The following TASOR variants were observed in gnomAD, a reference collection of about 807,000 sequenced individuals.
TASOR encodes protein TASOR.
In TASOR, 53 loss-of-function variants were observed where a neutral mutation model predicts 178.6. The observed-to-expected ratio is 0.30, with a 90% CI of 0.24 to 0.37. The LOEUF (loss-of-function observed/expected upper bound fraction) is 0.37, where lower values mean the gene tolerates loss of function less well. Ranked by LOEUF, TASOR falls within the 10% of genes least tolerant of loss-of-function variation. The pLI is 1.00. For missense variants in TASOR, 1,815 were observed against 1,971.4 expected (o/e 0.92, Z 1.50); for synonymous variants, 713 against 696.2 (o/e 1.02, Z -0.38).
In TASOR at chr3:56,638,720, T is replaced by C; in HGVS notation, c.2810A>G (p.Glu937Gly). The change falls in exon 17 of 24, where the codon GAG becomes GGG. Residue 937 changes from glutamate to glycine, a missense_variant. By Grantham distance (98) the Glu-to-Gly change is moderately conservative (BLOSUM62 -2). This residue lies in a region of TASOR where 655 missense variants were observed against 671.1 expected (regional missense o/e 0.98). Transcript: ENST00000683822. ...AGCCTTCTCACCTGGTGTTTGTTTC[T>C]CACCATGTTTCCCCAGCTGGTCTTC... The part of the protein sequence containing the change: ...SPEDQLGKHG[E>G]KQTPGMKSPE... 6.2e-7 allele frequency: 1 copy of C among 1,614,130 alleles called. No individual in the cohort carries two copies. The highest frequency in any genetic ancestry group is 1.1e-5 in the South Asian group (1 of 91,078).
intron 18 of TASOR, among the ~76,000 whole-genome samples, chr3:56,629,385 A>C (rs746937750): frequency 9.9e-5 from 15 of 152,270 alleles, no homozygotes; most frequent in Middle Eastern, 3.4e-3. Context: ...TTTCCATTCT[A>C]AGTAGGCCCT....
At chr3:56,653,166 A>T (rs911113893) in intron 11 of TASOR, among the ~76,000 whole-genome samples, 1 of 150,640 alleles carries the variant, frequency 6.6e-6, no homozygotes, top group African/African-American at 2.4e-5. Flanking sequence ...GGGAGGCTGA[A>T]ACAGGAGAAC....
chr3:56,624,928 G>A lies in TASOR; in HGVS notation c.4218C>T (p.Tyr1406=), dbSNP rs1213105261. 1.2e-6 allele frequency: 2 copies of A among 1,614,000 alleles called. No homozygotes were observed. Among genetic ancestry groups the A allele is most frequent in the Admixed American group, 3.3e-5 (2 of 60,000 alleles). Residue 1406 remains tyrosine, a synonymous_variant, in exon 22 of 24, where the codon TAC becomes TAT. Coordinates refer to ENST00000683822, the MANE Select transcript of TASOR (RefSeq NM_001365635.2). The stretch of plus-strand genomic sequence containing the variant: ...TTCGAGTTTGTGAATCACAATTGTG[G>A]TATGACAAAATTTCAACCAGATGTT... ...QKKHLVEILS[Y]HNCDSQTRNA...
intron 1 of TASOR, among the ~76,000 whole-genome samples, chr3:56,676,461 A>T (rs2031308774): frequency 1.3e-5 from 2 of 152,196 alleles, no homozygotes; most frequent in South Asian, 2.1e-4. Context: ...AATTGTCCCC[A>T]ATTAAACTGT....
intron 17 of TASOR, among the ~76,000 whole-genome samples, chr3:56,634,513 G>A (rs556131818): frequency 5.8e-4 from 89 of 152,252 alleles, no homozygotes; most frequent in African/African-American, 2.0e-3. Flanking sequence ...TCTCACTTAC[G>A]AGGTTGCTAA....
At chr3:56,650,543 TG>T (rs1189483008) in intron 11 of TASOR, among the ~76,000 whole-genome samples, 1 of 152,234 alleles carries the variant, frequency 6.6e-6, no homozygotes, top group Non-Finnish European at 1.5e-5. Flanking sequence ...TTCTAAACTT[TG>T]GGGAATCTTT....
Position 56,682,823 on chromosome 3 carries a change from C to A in TASOR, c.184G>T (p.Gly62Trp), listed in dbSNP as rs746978570. The A allele has an allele frequency of 7.1e-6, 11 of 1,550,512 alleles. No homozygotes were observed. In the East Asian group the frequency reaches 9.8e-5, roughly 14 times the overall value. Residue 62 changes from glycine (G) to tryptophan (W), a missense_variant, in exon 1 of 24, where the codon GGG becomes TGG. Transcript: ENST00000683822. ...SGGAGREENA[G>W]AEAAQSLSHE... Reference sequence around the variant, plus strand: ...CTGAGGCTCTGGGCGGCCTCGGCCCCCGCGTTCTCCTCACGCCCAGCGCCG... The same window carrying A: ...CTGAGGCTCTGGGCGGCCTCGGCCCACGCGTTCTCCTCACGCCCAGCGCCG...
chr3:56,678,961 G>A (rs188076636), intron 1 of TASOR, among the ~76,000 whole-genome samples: 8 of 150,586 alleles, frequency 5.3e-5, no homozygotes, highest in Non-Finnish European at 1.0e-4. Context: ...GCAGTCAGCC[G>A]GGATCGCAAC....
intron 18 of TASOR, among the ~76,000 whole-genome samples, chr3:56,631,592 T>TG (rs2076916013): frequency 2.9e-5 from 3 of 104,866 alleles, no homozygotes; most frequent in South Asian, 2.8e-4. Context: ...TTGTTTTTTT[T>TG]TTTTTTTTTG....
chr3:56,623,097 A>G lies in TASOR; in HGVS notation c.4953T>C (p.Ser1651=), dbSNP rs774098121. 1.2e-6 allele frequency: 2 copies of G among 1,610,428 alleles called. No homozygotes were observed. Among genetic ancestry groups the G allele is most frequent in the African/African-American group, 2.7e-5 (2 of 74,814 alleles). ...TTTTCCCCCAACTTAAGGGAGGTGGAGATTTATCTCTATCCAAGCTTTCAG... is the reference window on the plus strand; with the variant it reads ...TTTTCCCCCAACTTAAGGGAGGTGGGGATTTATCTCTATCCAAGCTTTCAG... ...AYTESLDRDK[S]PPPLSWGKSD... is the part of the protein sequence containing the mutation. The change falls in exon 24 of 24, where the codon TCT becomes TCC. Residue 1651 remains serine, a synonymous_variant. Transcript: ENST00000683822.
chr3:56,662,714 G>A (rs988321263), intron 8 of TASOR, among the ~76,000 whole-genome samples: 3 of 152,036 alleles, frequency 2.0e-5, no homozygotes, highest in African/African-American at 4.8e-5. Context: ...CAGTTGCAAA[G>A]AATAACAAAT....
At chr3:56,678,665 T>C (rs1257252034) in intron 1 of TASOR, among the ~76,000 whole-genome samples, 1 of 152,160 alleles carries the variant, frequency 6.6e-6, no homozygotes, top group Admixed American at 6.5e-5. Flanking sequence ...TATTATCATA[T>C]ATACATAAAT....
intron 1 of TASOR, among the ~76,000 whole-genome samples, chr3:56,680,568 T>C (rs1369034771): frequency 1.1e-5 from 1 of 87,880 alleles, no homozygotes; most frequent in African/African-American, 8.7e-5. Flanking sequence ...CTGCACTGTT[T>C]TTGAATTTTT....
chr3:56,670,293 T>A, intron 3 of TASOR, 148 bp from the exon 4 acceptor site: 1 of 492,976 alleles, frequency 2.0e-6, no homozygotes, highest in East Asian at 3.2e-5. Flanking sequence ...TTTGCCACTT[T>A]ATAAATATTA....
rs1292382998 is a variant in TASOR at position 56,646,915 on chromosome 3, G to A, written c.1822C>T (p.Arg608Trp). Residue 608 changes from arginine to tryptophan, a missense_variant, in exon 14 of 24, where the codon CGG becomes TGG. By Grantham distance (101) the Arg-to-Trp change is moderately radical. This residue lies in a region of TASOR where 504 missense variants were observed against 645.3 expected (regional missense o/e 0.78). Transcript: ENST00000683822. ...ATAGGTAACTGATACACTTCAGGCC[G>A]AAAAATATAGGCATGCAAACAAGTA... is the stretch of plus-strand genomic sequence containing the variant. The part of the protein sequence containing the change: ...IDTCLHAYIF[R>W]PEVYQLPICK... 3.7e-6 allele frequency: 6 copies of A among 1,611,224 alleles called. No homozygotes were observed. Among genetic ancestry groups the A allele is most frequent in the East Asian group, 2.2e-5 (1 of 44,830 alleles).
intron 2 of TASOR, among the ~76,000 whole-genome samples, chr3:56,673,019 C>A (rs2030887340): frequency 6.6e-6 from 1 of 151,896 alleles, no homozygotes; most frequent in African/African-American, 2.4e-5. Flanking sequence ...CCACGTTGGC[C>A]AGGCTGGTCT....
intron 23 of TASOR, chr3:56,623,883 A>AC: frequency 6.6e-7 from 1 of 1,510,022 alleles, no homozygotes; most frequent in Non-Finnish European, 8.9e-7. Flanking sequence ...CAAGACAAAT[A>AC]TAAAATAAAA....
chr3:56,658,446 AG>A (rs2077518105), intron 11 of TASOR, among the ~76,000 whole-genome samples: 2 of 152,176 alleles, frequency 1.3e-5, no homozygotes, highest in African/African-American at 4.8e-5. Flanking sequence ...AGAACCAAAT[AG>A]ATTTGTGTAA....
intron 17 of TASOR, among the ~76,000 whole-genome samples, chr3:56,635,942 C>T (rs1395492054): frequency 1.3e-5 from 2 of 152,170 alleles, no homozygotes; most frequent in Non-Finnish European, 2.9e-5. Flanking sequence ...CCAAATAGAT[C>T]CCTTTATAAA....
Sources: gnomAD v4.1 joint callset for allele counts (sites outside exome capture counted in the v4.1 genomes callset) on GRCh38, gnomAD v4.1.1 for gene constraint, gnomAD v4.1.1 regional missense constraint, MANE v1.5 for transcripts, NCBI Gene and HGNC (gene_info 2026-07-23, HGNC 2026-07-21) for gene names.